The following AKAP19 variants were observed in gnomAD, a reference collection of about 807,000 sequenced individuals.
AKAP19 encodes A-kinase anchoring protein 19.
the AKAP19 span, among the ~76,000 whole-genome samples, chr2:190,104,289 T>A: frequency 2.0e-5 from 3 of 152,162 alleles, no homozygotes; most frequent in Admixed American, 6.6e-5. Context: ...AAAGAATTTA[T>A]AACTCAGTCC....
At chr2:190,048,802 A>G in the AKAP19 span, among the ~76,000 whole-genome samples, 1 of 152,220 alleles carries the variant, frequency 6.6e-6, no homozygotes, top group Non-Finnish European at 1.5e-5. Context: ...TACATTTTAT[A>G]TCAGCAGGGA....
At chr2:190,179,413 A>C in the AKAP19 span, among the ~76,000 whole-genome samples, 37 of 151,866 alleles carry the variant, frequency 2.4e-4, no homozygotes, top group Non-Finnish European at 1.5e-5. This position sits in a 1 kb window ranked among gnomAD's most constrained non-coding sequence, Gnocchi z 6.0. Flanking sequence ...ATCTCAAAAA[A>C]AAGAAAAAAA....
the AKAP19 span, among the ~76,000 whole-genome samples, chr2:190,182,731 T>C: frequency 6.6e-6 from 1 of 152,218 alleles, no homozygotes. Flanking sequence ...AATCTATTGC[T>C]TAATTGGCAT....
the AKAP19 span, among the ~76,000 whole-genome samples, chr2:189,964,980 A>G: frequency 3.3e-5 from 5 of 152,338 alleles, no homozygotes; most frequent in African/African-American, 4.8e-5. Flanking sequence ...TAAGGGGCCT[A>G]GCTTTTGGCC....
chr2:190,010,514 G>A, the AKAP19 span, among the ~76,000 whole-genome samples: 1 of 152,136 alleles, frequency 6.6e-6, no homozygotes, highest in Non-Finnish European at 1.5e-5. Context: ...AACACTCAGA[G>A]CTTTATAGTC....
At chr2:190,193,258 T>C in the AKAP19 span, among the ~76,000 whole-genome samples, 3 of 152,134 alleles carry the variant, frequency 2.0e-5, no homozygotes, top group Non-Finnish European at 4.4e-5. Flanking sequence ...TTATATCTAT[T>C]GTCTTTGGAA....
chr2:190,126,490 T>C, the AKAP19 span, among the ~76,000 whole-genome samples: 2 of 151,826 alleles, frequency 1.3e-5, no homozygotes, highest in Non-Finnish European at 2.9e-5. Flanking sequence ...ATGATTCTCA[T>C]ATGAGATAAA....
chr2:189,988,272 C>G, the AKAP19 span, among the ~76,000 whole-genome samples: 5,228 of 152,144 alleles, frequency 0.034, 288 homozygotes, highest in African/African-American at 0.12. Flanking sequence ...AAAACATGTC[C>G]AAAGAACCCC....
chr2:190,023,695 G>A, the AKAP19 span, among the ~76,000 whole-genome samples: 1 of 150,708 alleles, frequency 6.6e-6, no homozygotes, highest in Non-Finnish European at 1.5e-5. Context: ...AGATTATCTT[G>A]CCAGAAATTT....
At chr2:190,155,330 G>T in the AKAP19 span, among the ~76,000 whole-genome samples, 1 of 152,108 alleles carries the variant, frequency 6.6e-6, no homozygotes, top group African/African-American at 2.4e-5. Context: ...TGGCTGAATG[G>T]CTACAGAATC....
chr2:190,060,008 T>A, the AKAP19 span: 6 of 1,552,898 alleles, frequency 3.9e-6, no homozygotes, highest in Non-Finnish European at 4.4e-6. Context: ...TGTTTGTTCA[T>A]ATTATGAATA....
chr2:190,021,126 A>G, the AKAP19 span, among the ~76,000 whole-genome samples: 1 of 152,128 alleles, frequency 6.6e-6, no homozygotes, highest in Non-Finnish European at 1.5e-5. Context: ...CCTGCTTTCA[A>G]TTCTTTTGGA....
the AKAP19 span, among the ~76,000 whole-genome samples, chr2:190,084,950 C>G: frequency 2.6e-5 from 4 of 152,178 alleles, no homozygotes; most frequent in African/African-American, 9.7e-5. Context: ...GAAAACTTTT[C>G]TAGTTTTCCT....
At chr2:189,983,269 A>T in the AKAP19 span, among the ~76,000 whole-genome samples, 45 of 152,204 alleles carry the variant, frequency 3.0e-4, no homozygotes, top group African/African-American at 1.1e-3. Flanking sequence ...GCACCCTCTG[A>T]GGGCTACCAT....
chr2:189,976,461 A>G, the AKAP19 span, among the ~76,000 whole-genome samples: 2 of 152,126 alleles, frequency 1.3e-5, no homozygotes, highest in African/African-American at 2.4e-5. Flanking sequence ...CCATTCTCAG[A>G]TCTCCAGCTG....
chr2:189,903,088 A>T, the AKAP19 span, among the ~76,000 whole-genome samples: 1 of 151,950 alleles, frequency 6.6e-6, no homozygotes, highest in African/African-American at 2.4e-5. Context: ...ATTGAAAGCC[A>T]TCGAGAAATT....
the AKAP19 span, among the ~76,000 whole-genome samples, chr2:190,160,612 G>A: frequency 6.6e-6 from 1 of 152,020 alleles, no homozygotes; most frequent in African/African-American, 2.4e-5. Context: ...TTTAATGAAA[G>A]TATGACTAGA....
the AKAP19 span, among the ~76,000 whole-genome samples, chr2:190,157,581 A>T: frequency 1.3e-4 from 20 of 152,194 alleles, no homozygotes; most frequent in African/African-American, 4.1e-4. Context: ...GATGGGGGAT[A>T]GATTTTATAT....
At chr2:189,923,347 C>T in the AKAP19 span, 3 of 1,611,764 alleles carry the variant, frequency 1.9e-6, no homozygotes, top group Non-Finnish European at 2.5e-6. Flanking sequence ...TGGCCAGCAA[C>T]GTTACCAACA....
Sources: allele counts gnomAD v4.1 joint callset (sites outside exome capture counted in the v4.1 genomes callset), GRCh38; gene constraint gnomAD v4.1.1; non-coding constraint Gnocchi (gnomAD v3.1); transcripts MANE v1.5; gene names NCBI Gene and HGNC (gene_info 2026-07-23, HGNC 2026-07-21).